Variants in DGKD observed in about 807,000 individuals in gnomAD.
DGKD encodes the protein diacylglycerol kinase delta.
DGKD carries 68 observed loss-of-function variants against 154.4 expected under a neutral mutation model. That is an observed-to-expected ratio of 0.44 (90% CI 0.36 to 0.54). The LOEUF (loss-of-function observed/expected upper bound fraction) is 0.54, where lower values mean the gene tolerates loss of function less well. Among genes scored for constraint, DGKD ranks in the 20% least tolerant of loss-of-function variants. The pLI, the probability that DGKD is intolerant of heterozygous loss-of-function variation, is 0.00. For missense variants in DGKD, 1,343 were observed against 1,593.6 expected (o/e 0.84, Z 2.68); for synonymous variants, 693 against 638.0 (o/e 1.09, Z -1.30).
At chr2:233,453,221 G>T (rs1448566549) in intron 18 of DGKD, among the ~76,000 whole-genome samples, 1 of 152,080 alleles carries the variant, frequency 6.6e-6, no homozygotes, top group African/African-American at 2.4e-5. Flanking sequence ...TCCTGCTGTG[G>T]TGTGTGCCTG....
chr2:233,405,139 G>A (rs1182532723), intron 3 of DGKD, among the ~76,000 whole-genome samples: 1 of 152,228 alleles, frequency 6.6e-6, no homozygotes, highest in Non-Finnish European at 1.5e-5. Context: ...AGATATGTAT[G>A]TTGTTATGGT....
intron 1 of DGKD, among the ~76,000 whole-genome samples, chr2:233,367,476 A>G (rs887291600): frequency 6.6e-6 from 1 of 151,966 alleles, no homozygotes; most frequent in Non-Finnish European, 1.5e-5. Flanking sequence ...TGATCCGCCC[A>G]CCTCGGCCTC....
chr2:233,396,077 T>A (rs1704006595), intron 3 of DGKD, among the ~76,000 whole-genome samples: 1 of 152,230 alleles, frequency 6.6e-6, no homozygotes, highest in African/African-American at 2.4e-5. Flanking sequence ...TACGATATTT[T>A]ATTAGTGAGC....
chr2:233,464,161 C>T lies in DGKD; in HGVS notation c.3187-3C>T. 6.2e-7 allele frequency: 1 copy of T among 1,613,426 alleles called. No homozygotes were observed. Among genetic ancestry groups the T allele is most frequent in the Admixed American group, 1.7e-5 (1 of 60,020 alleles). The stretch of plus-strand genomic sequence containing the variant: ...TCTCTCTCCCTCCCTCCGCCTGGAG[C>T]AGCAGCTGGATCCGCCTCAGAAGGA... On this transcript the variant is annotated splice_region_variant and splice_polypyrimidine_tract_variant and intron_variant, in intron 26 of 29. Transcript: ENST00000264057.
In DGKD at chr2:233,444,678, T is replaced by A. The variant is rs561767105; in HGVS notation, c.1195-945T>A. Among the ~76,000 whole-genome samples, 4 of 148,310 alleles carry A rather than the reference T, an allele frequency of 2.7e-5. No homozygotes were observed. The South Asian group carries it at 8.9e-4, about 33-fold the overall frequency. ...GTGTGTCGGCTCCGGTGTCCTGGCC[T>A]GCTCGCTCCTGCCTCCCCTACTGCC... On this transcript the variant is annotated intron_variant, in intron 10 of 29. Coordinates refer to ENST00000264057, the MANE Select transcript of DGKD (RefSeq NM_152879.3).
At position 233,412,805 on chromosome 2, in the gene DGKD, A is replaced by G. The variant is rs563116180; in HGVS notation, c.349-21575A>G. Reference sequence around the variant, plus strand: ...CAGTTTTAATTATTAATGGGTGTTGAATTTTGTCAAATGCTTTTCTGCATT... The same window carrying G: ...CAGTTTTAATTATTAATGGGTGTTGGATTTTGTCAAATGCTTTTCTGCATT... On this transcript the variant is annotated intron_variant, in intron 3 of 29. Coordinates refer to ENST00000264057, the MANE Select transcript of DGKD (RefSeq NM_152879.3). Among the ~76,000 whole-genome samples the G allele has an allele frequency of 5.3e-5, 8 of 152,274 alleles. No homozygotes were observed. The South Asian group carries it at 1.7e-3, about 32-fold the overall frequency.
At chr2:233,462,085 C>T (rs2063662834) in intron 24 of DGKD, among the ~76,000 whole-genome samples, 1 of 152,228 alleles carries the variant, frequency 6.6e-6, no homozygotes, top group South Asian at 2.1e-4. Flanking sequence ...TTGTAAGCCT[C>T]ATTTTGTACA....
rs1174206696 is a variant in DGKD, at chr2:233,452,881, A to G, written c.2264+821A>G. The stretch of plus-strand genomic sequence containing the variant: ...TGGTGACGGACAGTGACAGGAAGAA[A>G]TGTGCGGTTCACAGAGGCTCTGGGT... On this transcript the variant is annotated intron_variant, in intron 18 of 29. Transcript: ENST00000264057. The surrounding 1 kb of genome is among the most constrained non-coding windows in gnomAD (Gnocchi z 4.0). Among the ~76,000 whole-genome samples the G allele has an allele frequency of 1.3e-5, 2 of 152,144 alleles. No individual in the cohort carries two copies. Among genetic ancestry groups the G allele is most frequent in the Non-Finnish European group, 2.9e-5 (2 of 68,016 alleles).
rs772918225 is a variant in DGKD, at chr2:233,438,578, G to A, written c.1085+199G>A. Among the ~76,000 whole-genome samples, 11 of 152,114 alleles carry A rather than the reference G, an allele frequency of 7.2e-5. No homozygotes were observed. The highest frequency in any genetic ancestry group is 1.3e-4 in the Non-Finnish European group (9 of 68,028). ...GGCCTTCCAACTTTGAACACAGTGC[G>A]CGTGTGCACACACGTACATACATCC... is the stretch of plus-strand genomic sequence containing the variant. On this transcript the variant is annotated intron_variant, in intron 9 of 29. Transcript: ENST00000264057. This position sits in a 1 kb window ranked among gnomAD's most constrained non-coding sequence, Gnocchi z 4.1.
intron 1 of DGKD, among the ~76,000 whole-genome samples, chr2:233,373,499 A>T (rs1194941283): frequency 2.0e-5 from 3 of 152,208 alleles, no homozygotes; most frequent in African/African-American, 7.2e-5. Flanking sequence ...TGACGTGGAG[A>T]TGATTCAGAT....
rs2063318145 is a variant in DGKD at position 233,452,233 on chromosome 2, A to G, written c.2264+173A>G. Among the ~76,000 whole-genome samples the G allele has an allele frequency of 1.3e-5, 2 of 152,208 alleles. No homozygotes were observed. Among genetic ancestry groups the G allele is most frequent in the Non-Finnish European group, 2.9e-5 (2 of 68,028 alleles). On this transcript the variant is annotated intron_variant, in intron 18 of 29. Transcript: ENST00000264057. The surrounding 1 kb of genome is among the most constrained non-coding windows in gnomAD (Gnocchi z 4.0). ...CACTTAAGGAGTGGAGCTGGAAACC[A>G]CTACTGCACATCTGCTGCAGAGGCA...
intron 1 of DGKD, among the ~76,000 whole-genome samples, chr2:233,360,170 G>A (rs1289490034): frequency 5.3e-5 from 8 of 152,162 alleles, no homozygotes; most frequent in East Asian, 3.9e-4. Flanking sequence ...CTGTAGTGGC[G>A]TCTGTAGTGG....
chr2:233,406,900 A>G (rs1365390899), intron 3 of DGKD, among the ~76,000 whole-genome samples: 1 of 152,196 alleles, frequency 6.6e-6, no homozygotes, highest in East Asian at 1.9e-4. Context: ...TGTTATGCAG[A>G]GAGAAGGGTG....
intron 3 of DGKD, among the ~76,000 whole-genome samples, chr2:233,399,213 T>C (rs558128086): frequency 6.6e-6 from 1 of 152,374 alleles, no homozygotes; most frequent in East Asian, 1.9e-4. Flanking sequence ...TTATAATATA[T>C]GCTACATGAG....
chr2:233,405,835 A>G (rs2061673448), intron 3 of DGKD, among the ~76,000 whole-genome samples: 1 of 152,250 alleles, frequency 6.6e-6, no homozygotes, highest in South Asian at 2.1e-4. Flanking sequence ...TAATAGCTAT[A>G]TAATACTGCA....
Position 233,471,999 on chromosome 2 carries a change from A to T in DGKD, c.*2539A>T, listed in dbSNP as rs1315516342. ...TAATTTATATAGTGACCACCGTGGA[A>T]ACAAACGCCTCTTGTATTGTCATGT... On this transcript the variant is annotated 3_prime_UTR_variant, in exon 30 of 30. Transcript: ENST00000264057. 1 of 152,366 alleles carries T rather than the reference A, an allele frequency of 6.6e-6. No individual in the cohort carries two copies. The highest frequency in any genetic ancestry group is 1.5e-5 in the Non-Finnish European group (1 of 68,054). 9.4% of individuals were successfully genotyped at this position (152,366 alleles called of 1,614,324 possible).
Position 233,459,611 on chromosome 2 carries a change from G to A in DGKD, c.2695-146G>A, listed in dbSNP as rs184528641. 21 of 1,068,116 alleles carry A rather than the reference G, an allele frequency of 2.0e-5. 1 individual carries two copies. The East Asian group carries it at 4.5e-4, about 23-fold the overall frequency. The allele number at this position is 1,068,116 out of a possible 1,614,324, so 66.2% of individuals were successfully genotyped here. A position where few individuals can be genotyped will look rare whatever the true frequency, so the allele number is the denominator to read the frequency against. On this transcript the variant is annotated intron_variant, in intron 22 of 29. Transcript: ENST00000264057. The surrounding 1 kb of genome is among the most constrained non-coding windows in gnomAD (Gnocchi z 5.7). ...CAACAGCAGAAGGCTAGCTGCAGGC[G>A]GAGCGCCATCCCAGAGGCAGAGGTG...
At chr2:233,356,401 A>G (rs1701536079) in intron 1 of DGKD, among the ~76,000 whole-genome samples, 2 of 152,034 alleles carry the variant, frequency 1.3e-5, no homozygotes, top group South Asian at 4.1e-4. Context: ...GATGGATCAG[A>G]TGTGCTTTTG....
intron 3 of DGKD, among the ~76,000 whole-genome samples, chr2:233,428,420 G>A (rs2062388754): frequency 6.6e-6 from 1 of 152,170 alleles, no homozygotes; most frequent in Non-Finnish European, 1.5e-5. Context: ...TCTTAAGAAA[G>A]ATGCTCACAT....
Sources: allele counts gnomAD v4.1 joint callset (sites outside exome capture counted in the v4.1 genomes callset), GRCh38; gene constraint gnomAD v4.1.1; non-coding constraint Gnocchi (gnomAD v3.1); transcripts MANE v1.5; gene names NCBI Gene and HGNC (gene_info 2026-07-23, HGNC 2026-07-21).